Variants in SMG6 observed in about 807,000 individuals in gnomAD.
The protein encoded by SMG6 is SMG6 nonsense mediated mRNA decay factor.
Under a neutral mutation model 142.2 loss-of-function variants are expected in SMG6, and 66 were observed. The ratio of observed to expected loss-of-function variants is 0.46; its 90% CI spans 0.38 to 0.57. The LOEUF is 0.57. Ranked by LOEUF, SMG6 falls within the 20% of genes least tolerant of loss-of-function variation. SMG6 has a pLI of 0.00. For missense variants in SMG6, 1,793 were observed against 1,832.0 expected (o/e 0.98, Z 0.39); for synonymous variants, 779 against 702.4 (o/e 1.11, Z -1.72).
intron 4 of SMG6, among the ~76,000 whole-genome samples, chr17:2,294,246 A>T (rs2075100160): frequency 6.6e-6 from 1 of 152,222 alleles, no homozygotes; most frequent in Non-Finnish European, 1.5e-5. Context: ...ACTGTTCCAC[A>T]GATTCTATGA....
chr17:2,152,798 AC>A, intron 13 of SMG6, among the ~76,000 whole-genome samples: 1 of 152,332 alleles, frequency 6.6e-6, no homozygotes, highest in East Asian at 1.9e-4. Context: ...TATCACATAA[AC>A]CACCCGTTCC....
Position 2,299,222 on chromosome 17 carries a change from G to C in SMG6, c.1531C>G (p.Pro511Ala). 4 of 1,613,874 alleles carry C rather than the reference G, an allele frequency of 2.5e-6. No individual in the cohort carries two copies. The highest frequency in any genetic ancestry group is 3.4e-6 in the Non-Finnish European group (4 of 1,179,912). Residue 511 changes from proline to alanine, a missense_variant, in exon 2 of 19, where the codon CCC becomes GCC. By Grantham distance (27) the Pro-to-Ala change is conservative. This residue lies in a region of SMG6 where 1,597 missense variants were observed against 1,584.6 expected (regional missense o/e 1.01). Transcript: ENST00000263073. This position sits in a 1 kb window ranked among gnomAD's most constrained non-coding sequence, Gnocchi z 4.3. The stretch of plus-strand genomic sequence containing the variant: ...TGGGAGGCAGGGCCTGGTGTCCGGG[G>C]GTAATAATAGGGGTTGTCAGAGTTT... The part of the protein sequence containing the change: ...FQNSDNPYYY[P>A]RTPGPASQYP...
chr17:2,114,186 C>G (rs2069426764), intron 13 of SMG6, among the ~76,000 whole-genome samples: 1 of 152,164 alleles, frequency 6.6e-6, no homozygotes, highest in Non-Finnish European at 1.5e-5. Context: ...AGGAGGATAG[C>G]TTGAACCCAG....
At chr17:2,241,587 G>A (rs1273722616) in intron 9 of SMG6, among the ~76,000 whole-genome samples, 3 of 152,196 alleles carry the variant, frequency 2.0e-5, no homozygotes, top group South Asian at 2.1e-4. Context: ...GGGGTCTTCT[G>A]CCTATGTTGC....
chr17:2,133,942 T>G (rs185338459), intron 13 of SMG6, among the ~76,000 whole-genome samples: 2 of 152,238 alleles, frequency 1.3e-5, no homozygotes, highest in Admixed American at 6.5e-5. Context: ...GAGCTGGAGG[T>G]TCCAGTGTCT....
intron 13 of SMG6, among the ~76,000 whole-genome samples, chr17:2,142,886 CT>C (rs1256805547): frequency 3.4e-5 from 2 of 59,516 alleles, no homozygotes; most frequent in Non-Finnish European, 5.8e-5. Context: ...AAAACACTGT[CT>C]CAAAAAAAAA....
intron 13 of SMG6, among the ~76,000 whole-genome samples, chr17:2,155,651 C>G (rs1453804046): frequency 6.6e-6 from 1 of 152,198 alleles, no homozygotes; most frequent in African/African-American, 2.4e-5. Flanking sequence ...CTGATCTCCA[C>G]GCCTCTGCTT....
intron 13 of SMG6, among the ~76,000 whole-genome samples, chr17:2,132,970 C>T (rs971625384): frequency 2.0e-5 from 3 of 152,110 alleles, no homozygotes; most frequent in Admixed American, 6.6e-5. Context: ...TTTGTAGAGA[C>T]GGGGATTCAC....
intron 10 of SMG6, among the ~76,000 whole-genome samples, chr17:2,226,890 TGAGACTCCA>T: frequency 6.6e-6 from 1 of 151,758 alleles, no homozygotes; most frequent in South Asian, 2.1e-4. Context: ...GACGGCAGAG[TGAGACTCCA>T]CCTCAAAAAG....
intron 10 of SMG6, among the ~76,000 whole-genome samples, chr17:2,221,810 C>T (rs1006388535): frequency 8.5e-5 from 13 of 152,184 alleles, no homozygotes; most frequent in Admixed American, 3.3e-4. Context: ...ATGGGGTGAT[C>T]TCGGCTCACT....
intron 8 of SMG6, among the ~76,000 whole-genome samples, chr17:2,262,164 T>C (rs1362105059): frequency 6.6e-6 from 1 of 152,220 alleles, no homozygotes; most frequent in Non-Finnish European, 1.5e-5. Context: ...TCCTACTGTG[T>C]GTGTGAAAGT....
At chr17:2,270,725 C>T (rs2074525571) in intron 8 of SMG6, among the ~76,000 whole-genome samples, 1 of 152,228 alleles carries the variant, frequency 6.6e-6, no homozygotes, top group Admixed American at 6.5e-5. Context: ...ACAGCCTAGG[C>T]ACTTTTCCAA....
chr17:2,162,516 A>AG (rs1491290105), intron 13 of SMG6, among the ~76,000 whole-genome samples: 1 of 49,186 alleles, frequency 2.0e-5, no homozygotes, highest in African/African-American at 7.5e-5. Context: ...TCCCCATCTC[A>AG]GAAAAAAAAA....
chr17:2,179,661 T>C (rs932882748), intron 12 of SMG6, among the ~76,000 whole-genome samples: 1 of 151,980 alleles, frequency 6.6e-6, no homozygotes. Context: ...ATATATAGCA[T>C]CAGAATGCGA....
At chr17:2,229,386 C>T (rs2073407303) in intron 10 of SMG6, 1 of 152,246 alleles carries the variant, frequency 6.6e-6, no homozygotes, top group South Asian at 2.1e-4. Context: ...CATCAGAGAA[C>T]AACAGTGCTC....
intron 18 of SMG6, chr17:2,062,708 C>G (rs1038994170): frequency 6.6e-6 from 1 of 152,296 alleles, no homozygotes. Context: ...GACAGCAAGG[C>G]ACAGGAAGTG....
intron 10 of SMG6, among the ~76,000 whole-genome samples, chr17:2,225,121 C>A (rs1347711614): frequency 3.3e-5 from 5 of 151,912 alleles, no homozygotes; most frequent in Non-Finnish European, 7.4e-5. Flanking sequence ...ATACTTCAGG[C>A]AGAAAGAAAA....
intron 13 of SMG6, among the ~76,000 whole-genome samples, chr17:2,115,863 T>C (rs2069489277): frequency 6.6e-6 from 1 of 152,048 alleles, no homozygotes; most frequent in Non-Finnish European, 1.5e-5. Flanking sequence ...TGTACCACCA[T>C]GCCAGGGTAA....
chr17:2,207,549 GAGAA>G (rs2072726146), intron 10 of SMG6, among the ~76,000 whole-genome samples: 1 of 152,008 alleles, frequency 6.6e-6, no homozygotes. Context: ...CTAGATAAAT[GAGAA>G]AGTGACATAC....
Sources: gnomAD v4.1 joint callset for allele counts (sites outside exome capture counted in the v4.1 genomes callset) on GRCh38, gnomAD v4.1.1 for gene constraint, gnomAD v4.1.1 regional missense constraint, Gnocchi (gnomAD v3.1) non-coding constraint, MANE v1.5 for transcripts, NCBI Gene and HGNC (gene_info 2026-07-23, HGNC 2026-07-21) for gene names.